GALNT14: variants seen among roughly 807,000 people sequenced by gnomAD.
GALNT14 encodes the protein polypeptide N-acetylgalactosaminyltransferase 14.
In GALNT14, 60 loss-of-function variants were observed where a neutral mutation model predicts 77.5. The observed-to-expected ratio is 0.77, with a 90% CI of 0.63 to 0.96. The LOEUF is 0.96. GALNT14 is among the 40% of genes least tolerant of loss of function. The probability of loss-of-function intolerance (pLI) is 0.00; values close to 1 mark genes in which losing one functional copy is unlikely to be tolerated. For synonymous variants in GALNT14, 280 were observed against 281.7 expected (o/e 0.99, Z 0.06); for missense variants, 710 against 731.0 (o/e 0.97, Z 0.33).
At chr2:31,055,458 G>T (rs1470723290) in intron 1 of GALNT14, among the ~76,000 whole-genome samples, 3 of 152,154 alleles carry the variant, frequency 2.0e-5, no homozygotes, top group African/African-American at 7.2e-5. Context: ...AACTTCAGGG[G>T]AAAAATAGAA....
At chr2:30,997,460 T>A (rs886670100) in intron 1 of GALNT14, among the ~76,000 whole-genome samples, 1 of 152,198 alleles carries the variant, frequency 6.6e-6, no homozygotes, top group Non-Finnish European at 1.5e-5. Flanking sequence ...CTTCCCACAC[T>A]TCCCTGGTAC....
intron 1 of GALNT14, among the ~76,000 whole-genome samples, chr2:31,029,728 C>T (rs760330931): frequency 4.6e-5 from 7 of 152,186 alleles, no homozygotes; most frequent in African/African-American, 1.2e-4. Flanking sequence ...CCTGGCTCTC[C>T]ACGTGACCTC....
At chr2:30,977,116 G>GTC (rs1361891445) in intron 2 of GALNT14, among the ~76,000 whole-genome samples, 1 of 125,900 alleles carries the variant, frequency 7.9e-6, no homozygotes, top group Non-Finnish European at 1.5e-5. Flanking sequence ...TTGAGACAGG[G>GTC]TCTCACTCTG....
chr2:30,978,687 T>C (rs1189634514), intron 2 of GALNT14, among the ~76,000 whole-genome samples: 1 of 152,210 alleles, frequency 6.6e-6, no homozygotes, highest in African/African-American at 2.4e-5. Flanking sequence ...ATATTTTCAG[T>C]AGCTTGAGAA....
chr2:31,134,090 C>G (rs561639177), intron 1 of GALNT14, among the ~76,000 whole-genome samples: 2 of 152,310 alleles, frequency 1.3e-5, no homozygotes, highest in African/African-American at 4.8e-5. Context: ...TGAGTGGAGA[C>G]ATTTCCTAAG....
chr2:31,113,314 G>T (rs945504162), intron 1 of GALNT14, among the ~76,000 whole-genome samples: 1 of 152,152 alleles, frequency 6.6e-6, no homozygotes, highest in Non-Finnish European at 1.5e-5. Context: ...GGATCTGCCG[G>T]GCTGGGTGGA....
chr2:30,961,893 A>G (rs1273509618), intron 3 of GALNT14, among the ~76,000 whole-genome samples: 1 of 151,968 alleles, frequency 6.6e-6, no homozygotes, highest in African/African-American at 2.4e-5. Context: ...GGGTTTCACC[A>G]TGTTAGCCAG....
At chr2:31,046,443 T>C (rs750863465) in intron 1 of GALNT14, among the ~76,000 whole-genome samples, 8 of 152,152 alleles carry the variant, frequency 5.3e-5, no homozygotes, top group African/African-American at 9.7e-5. Context: ...TTAGCCAGGA[T>C]GGTCTCGATC....
At chr2:31,011,594 G>A (rs778423635) in intron 1 of GALNT14, among the ~76,000 whole-genome samples, 1 of 152,102 alleles carries the variant, frequency 6.6e-6, no homozygotes, top group African/African-American at 2.4e-5. Flanking sequence ...GTGCCACCCT[G>A]GGGCCACAGG....
At chr2:30,975,642 A>G (rs541608531) in intron 2 of GALNT14, among the ~76,000 whole-genome samples, 3 of 152,320 alleles carry the variant, frequency 2.0e-5, no homozygotes, top group East Asian at 1.9e-4. Flanking sequence ...TGCAGCTCAC[A>G]TCTATTTCTA....
chr2:30,903,442 T>C, the GALNT14 span, among the ~76,000 whole-genome samples: 2 of 152,380 alleles, frequency 1.3e-5, no homozygotes, highest in South Asian at 4.1e-4. Context: ...TAAAAGACTG[T>C]GACTTCCGTC....
At chr2:31,019,831 AT>A (rs1470917155) in intron 1 of GALNT14, among the ~76,000 whole-genome samples, 3 of 152,216 alleles carry the variant, frequency 2.0e-5, no homozygotes, top group African/African-American at 7.2e-5. Context: ...TCACAGGGTC[AT>A]TGCGGGAATT....
At chr2:31,085,564 C>T in intron 1 of GALNT14, among the ~76,000 whole-genome samples, 1 of 152,236 alleles carries the variant, frequency 6.6e-6, no homozygotes, top group Admixed American at 6.5e-5. Flanking sequence ...TGCCACGGCA[C>T]CTGGGAAAAC....
chr2:31,126,071 G>T (rs554817845), intron 1 of GALNT14, among the ~76,000 whole-genome samples: 21 of 152,270 alleles, frequency 1.4e-4, no homozygotes, highest in African/African-American at 4.6e-4. Context: ...ATTCATAAGG[G>T]GATGTCAGAT....
In GALNT14 at chr2:31,027,289, G is replaced by A. The variant is rs543820177; in HGVS notation, c.130-34282C>T. Among the ~76,000 whole-genome samples the A allele has an allele frequency of 2.4e-4, 37 of 152,230 alleles. 1 individual carries two copies. Among genetic ancestry groups the A allele is most frequent in the Admixed American group, 7.2e-4 (11 of 15,286 alleles). On this transcript the variant is annotated intron_variant, in intron 1 of 14. Transcript: ENST00000349752. ...TCTATTAAATACAAAAAAATTAGCC[G>A]GGCATGGTGGCACATGCCTTGGGAG...
chr2:30,895,041 T>C, the GALNT14 span, among the ~76,000 whole-genome samples: 1 of 152,206 alleles, frequency 6.6e-6, no homozygotes, highest in Non-Finnish European at 1.5e-5. Flanking sequence ...TCTTGGTAGT[T>C]AGAATGCACT....
chr2:31,031,984 CCA>C (rs1305202131), intron 1 of GALNT14, among the ~76,000 whole-genome samples: 1 of 152,202 alleles, frequency 6.6e-6, no homozygotes, highest in Non-Finnish European at 1.5e-5. Flanking sequence ...CTCGCGGCTG[CCA>C]CAGTCAGCTG....
rs763929257 is a variant in GALNT14 at position 30,945,785 on chromosome 2, C to A, written c.740G>T (p.Gly247Val). ...TYIESASELRGGFDWSLHFQW... is the reference protein window; with the variant it reads ...TYIESASELRVGFDWSLHFQW... ...GAGGAGGTGTTAGCCCAACTCACCCCCTCTGAGCTCCGAGGCAGACTCGAT... is the reference window on the plus strand; with the variant it reads ...GAGGAGGTGTTAGCCCAACTCACCCACTCTGAGCTCCGAGGCAGACTCGAT... The change falls in exon 7 of 15, where the codon GGG becomes GTG. Residue 247 changes from glycine to valine, a missense_variant and splice_region_variant. Transcript: ENST00000349752. 20 of 1,613,724 alleles carry A rather than the reference C, an allele frequency of 1.2e-5. No homozygotes were observed. The highest frequency in any genetic ancestry group is 2.2e-5 in the South Asian group (2 of 91,086).
chr2:30,954,711 C>T (rs375238623), intron 6 of GALNT14, among the ~76,000 whole-genome samples: 1 of 152,208 alleles, frequency 6.6e-6, no homozygotes, highest in South Asian at 2.1e-4. Context: ...AGTTTAGGAG[C>T]TACCATGAAG....
Sources: allele counts gnomAD v4.1 joint callset (sites outside exome capture counted in the v4.1 genomes callset), GRCh38; gene constraint gnomAD v4.1.1; transcripts MANE v1.5; gene names NCBI Gene and HGNC (gene_info 2026-07-23, HGNC 2026-07-21).